Variants in CREB5 observed in about 807,000 individuals in gnomAD.
CREB5 encodes cyclic AMP-responsive element-binding protein 5.
Under a neutral mutation model 57.1 loss-of-function variants are expected in CREB5, and 19 were observed. The ratio of observed to expected loss-of-function variants is 0.33; its 90% CI spans 0.23 to 0.49. CREB5 has a LOEUF of 0.49. Ranked by LOEUF, CREB5 falls within the 20% of genes least tolerant of loss-of-function variation. The pLI, the probability that CREB5 is intolerant of heterozygous loss-of-function variation, is 0.99. For missense variants in CREB5, 579 were observed against 671.6 expected (o/e 0.86, Z 1.52); for synonymous variants, 238 against 238.3 (o/e 1.00, Z 0.01).
chr7:28,399,849 G>A (rs1787417887), intron 1 of CREB5, among the ~76,000 whole-genome samples: 1 of 151,962 alleles, frequency 6.6e-6, no homozygotes, highest in South Asian at 2.1e-4. Flanking sequence ...GAGGTCAGGA[G>A]TTCGAGACCA....
Position 28,664,524 on chromosome 7 carries a change from C to A in CREB5, c.465-54229C>A, listed in dbSNP as rs575579208. 3.3e-5 allele frequency among the ~76,000 whole-genome samples: 5 copies of A among 152,202 alleles called. 1 individual carries two copies. In the South Asian group the frequency reaches 1.0e-3, roughly 32 times the overall value. On this transcript the variant is annotated intron_variant, in intron 5 of 10. Coordinates refer to ENST00000357727, the MANE Select transcript of CREB5 (RefSeq NM_182898.4). Reference sequence around the variant, plus strand: ...GAAATTTCCCATTTTATTCTTCTGACTTCTCTTGTGCCTACCGTTTTTCCA... The same window carrying A: ...GAAATTTCCCATTTTATTCTTCTGAATTCTCTTGTGCCTACCGTTTTTCCA...
At chr7:28,506,087 T>C (rs1792469386) in intron 3 of CREB5, among the ~76,000 whole-genome samples, 1 of 152,170 alleles carries the variant, frequency 6.6e-6, no homozygotes, top group African/African-American at 2.4e-5. Flanking sequence ...GGGATTTTGC[T>C]GCATGGAATC....
At chr7:28,716,332 C>A (rs1219010325) in intron 5 of CREB5, among the ~76,000 whole-genome samples, 1 of 152,068 alleles carries the variant, frequency 6.6e-6, no homozygotes, top group African/African-American at 2.4e-5. Context: ...CATGATATTG[C>A]AAACCAACAT....
At chr7:28,783,571 A>G (rs908817267) in intron 7 of CREB5, among the ~76,000 whole-genome samples, 5 of 152,226 alleles carry the variant, frequency 3.3e-5, no homozygotes, top group Admixed American at 2.6e-4. Context: ...TAAAAAAAAT[A>G]AAATTTCAGA....
At chr7:28,367,376 A>G (rs1415668809) in intron 1 of CREB5, among the ~76,000 whole-genome samples, 1 of 152,164 alleles carries the variant, frequency 6.6e-6, no homozygotes, top group Admixed American at 6.6e-5. Flanking sequence ...ACATCCAACC[A>G]ACCTGTTCCT....
At position 28,802,078 on chromosome 7, in the gene CREB5, G is replaced by GGAAAAAA. The variant is rs1554301239; in HGVS notation, c.703-2121_703-2120insGAAAAAA. On this transcript the variant is annotated intron_variant, in intron 7 of 10. Transcript: ENST00000357727. ...CTGGCGACACAGCGAGACTCCATCT[G>GGAAAAAA]AAAAAAAAAAAAAAAAAAAAAAAAA... Among the ~76,000 whole-genome samples the GGAAAAAA allele has an allele frequency of 3.8e-4, 10 of 26,638 alleles. 1 individual carries two copies. Among genetic ancestry groups the GGAAAAAA allele is most frequent in the Admixed American group, 1.3e-3 (2 of 1,548 alleles). 17.5% of individuals were successfully genotyped at this position (26,638 alleles called of 152,430 possible).
intron 1 of CREB5, among the ~76,000 whole-genome samples, chr7:28,326,869 G>A (rs1785617205): frequency 1.3e-5 from 2 of 152,184 alleles, no homozygotes; most frequent in South Asian, 4.1e-4. Context: ...TAGGCTGGGT[G>A]CGGTGGCTCA....
intron 4 of CREB5, among the ~76,000 whole-genome samples, chr7:28,561,001 T>TGCGTGTGTGC (rs1268541355): frequency 7.9e-5 from 2 of 25,258 alleles, no homozygotes; most frequent in African/African-American, 2.7e-4. Flanking sequence ...TGTGCCTGCG[T>TGCGTGTGTGC]GTGCGTGTGT....
At chr7:28,575,551 G>A (rs562140381) in intron 5 of CREB5, among the ~76,000 whole-genome samples, 1 of 152,322 alleles carries the variant, frequency 6.6e-6, no homozygotes, top group South Asian at 2.1e-4. Context: ...GGCTAATGCT[G>A]GGGATATTCA....
At chr7:28,503,282 T>C (rs960345682) in intron 3 of CREB5, among the ~76,000 whole-genome samples, 5 of 152,218 alleles carry the variant, frequency 3.3e-5, no homozygotes, top group Non-Finnish European at 7.3e-5. Flanking sequence ...TATAATTTGA[T>C]TGGTAATTGA....
intron 5 of CREB5, among the ~76,000 whole-genome samples, chr7:28,717,328 A>T (rs1329112200): frequency 3.3e-5 from 5 of 151,980 alleles, no homozygotes; most frequent in Non-Finnish European, 1.5e-5. Flanking sequence ...ATCTAAACTG[A>T]TCATAAATCT....
chr7:28,787,875 T>C (rs551769537), intron 7 of CREB5, among the ~76,000 whole-genome samples: 1 of 152,292 alleles, frequency 6.6e-6, no homozygotes, highest in South Asian at 2.1e-4. Context: ...TTCTTAACTC[T>C]GCTATCATCA....
chr7:28,746,706 G>C (rs1461599972), intron 7 of CREB5, among the ~76,000 whole-genome samples: 1 of 152,174 alleles, frequency 6.6e-6, no homozygotes, highest in Non-Finnish European at 1.5e-5. Context: ...CATTCTGTTT[G>C]AGACCCCTTC....
chr7:28,811,411 C>A (rs1347993552), intron 9 of CREB5, among the ~76,000 whole-genome samples: 3 of 152,060 alleles, frequency 2.0e-5, no homozygotes, highest in Non-Finnish European at 4.4e-5. Context: ...TTTTTTGAGA[C>A]TTGTCTCAAA....
chr7:28,518,302 C>T (rs933892769), intron 4 of CREB5, among the ~76,000 whole-genome samples: 2 of 152,176 alleles, frequency 1.3e-5, no homozygotes, highest in African/African-American at 4.8e-5. Context: ...GCTCTGCAAG[C>T]AGTCACTTCC....
chr7:28,735,558 A>G (rs1278549921), intron 7 of CREB5, among the ~76,000 whole-genome samples: 1 of 152,236 alleles, frequency 6.6e-6, no homozygotes, highest in Admixed American at 6.5e-5. Flanking sequence ...AAAGTTAAAC[A>G]GAAAATATAA....
At chr7:28,491,535 G>A (rs1342234645) in intron 2 of CREB5, among the ~76,000 whole-genome samples, 1 of 152,218 alleles carries the variant, frequency 6.6e-6, no homozygotes, top group African/African-American at 2.4e-5. Flanking sequence ...AATTGGGATT[G>A]ACAAAGTTTC....
chr7:28,459,838 C>G (rs1790278509), intron 1 of CREB5, among the ~76,000 whole-genome samples: 1 of 152,220 alleles, frequency 6.6e-6, no homozygotes, highest in South Asian at 2.1e-4. Flanking sequence ...GCGCTGAACA[C>G]ATGCTTCATA....
chr7:28,796,136 A>G (rs1203408711), intron 7 of CREB5, among the ~76,000 whole-genome samples: 1 of 152,164 alleles, frequency 6.6e-6, no homozygotes, highest in Non-Finnish European at 1.5e-5. Flanking sequence ...GTCTAGTTCC[A>G]TAATATTTTC....
Sources: allele counts gnomAD v4.1 joint callset (sites outside exome capture counted in the v4.1 genomes callset), GRCh38; gene constraint gnomAD v4.1.1; transcripts MANE v1.5; gene names NCBI Gene and HGNC (gene_info 2026-07-23, HGNC 2026-07-21).